DLGAP2: variants seen among roughly 807,000 people sequenced by gnomAD.
The protein encoded by DLGAP2 is disks large-associated protein 2.
In DLGAP2, 26 loss-of-function variants were observed where a neutral mutation model predicts 100.3. That is an observed-to-expected ratio of 0.26 (90% confidence interval 0.19 to 0.36). The LOEUF (loss-of-function observed/expected upper bound fraction) is 0.36, where lower values mean the gene tolerates loss of function less well. Ranked by LOEUF, DLGAP2 falls within the 10% of genes least tolerant of loss-of-function variation. The probability of loss-of-function intolerance (pLI) is 1.00; values close to 1 mark genes in which losing one functional copy is unlikely to be tolerated. For synonymous variants in DLGAP2, 886 were observed against 630.1 expected, an observed-to-expected ratio of 1.41 and a Z score of -6.08; for missense variants, 1,858 against 1,453.2, an observed-to-expected ratio of 1.28 and a Z score of -4.53.
chr8:1,568,863 CA>C, intron 6 of DLGAP2, among the ~76,000 whole-genome samples: 1 of 77,826 alleles, frequency 1.3e-5, no homozygotes, highest in Non-Finnish European at 2.9e-5. Context: ...TGCCACTGTC[CA>C]CTCAGCAGAC....
At chr8:1,169,313 C>T (rs1018225497) in intron 2 of DLGAP2, among the ~76,000 whole-genome samples, 116 of 152,208 alleles carry the variant, frequency 7.6e-4, no homozygotes, top group African/African-American at 9.4e-4. Flanking sequence ...AGTCAGGTAG[C>T]GTGATGCCTC....
chr8:1,462,975 G>A (rs1385183843), intron 3 of DLGAP2, among the ~76,000 whole-genome samples: 3 of 152,214 alleles, frequency 2.0e-5, no homozygotes, highest in African/African-American at 4.8e-5. Flanking sequence ...TGGGCCAGGC[G>A]TAGTGGCTCA....
At chr8:1,019,686 T>C (rs958553873) in intron 2 of DLGAP2, 25 of 152,236 alleles carry the variant, frequency 1.6e-4, no homozygotes, top group African/African-American at 6.0e-4. Context: ...TGATTATACA[T>C]ATAAAGATAT....
intron 2 of DLGAP2, among the ~76,000 whole-genome samples, chr8:1,069,543 T>C (rs1585031581): frequency 6.6e-6 from 1 of 152,296 alleles, no homozygotes; most frequent in East Asian, 1.9e-4. Context: ...CAGTGGGACC[T>C]GCACATCCGA....
At chr8:1,596,025 T>A (rs9644255) in intron 6 of DLGAP2, among the ~76,000 whole-genome samples, 1 of 133,712 alleles carries the variant, frequency 7.5e-6, no homozygotes. Flanking sequence ...CTCCCCTAGC[T>A]CCCCACCCCC....
chr8:908,517 G>A (rs532584956), intron 2 of DLGAP2, among the ~76,000 whole-genome samples: 2 of 152,226 alleles, frequency 1.3e-5, no homozygotes, highest in East Asian at 1.9e-4. Context: ...GTGTGTGGCT[G>A]GTGGTTGTGA....
At chr8:812,014 T>A (rs1585890155) in intron 1 of DLGAP2, among the ~76,000 whole-genome samples, 1 of 152,202 alleles carries the variant, frequency 6.6e-6, no homozygotes, top group East Asian at 1.9e-4. Context: ...TGGTGAGGCT[T>A]CCGGACTTCT....
Position 1,501,568 on chromosome 8 carries a change from A to C in DLGAP2, c.172+137A>C, listed in dbSNP as rs988980986. ...AAGGGAGCTAAGAAGAACTAAGTAC[A>C]ATGCGGCACTTTTTTCCAAAAATAA... On this transcript the variant is annotated intron_variant, in intron 4 of 14. Coordinates refer to ENST00000637795, the MANE Select transcript of DLGAP2 (RefSeq NM_001346810.2). The C allele has an allele frequency of 3.5e-6, 3 of 857,874 alleles. No homozygotes were observed. In the African/African-American group the frequency reaches 5.1e-5, roughly 15 times the overall value. The allele number at this position is 857,874 out of a possible 1,614,324, so 53.1% of individuals were successfully genotyped here.
At chr8:1,201,242 A>G (rs1050112762) in intron 2 of DLGAP2, among the ~76,000 whole-genome samples, 3 of 152,126 alleles carry the variant, frequency 2.0e-5, no homozygotes, top group African/African-American at 7.2e-5. Flanking sequence ...CACGCGTGTG[A>G]TTGTGGAGGC....
chr8:1,632,674 C>T (rs1223943064), intron 7 of DLGAP2, among the ~76,000 whole-genome samples, 153 bp from the exon 8 acceptor site: 1 of 152,214 alleles, frequency 6.6e-6, no homozygotes, highest in African/African-American at 2.4e-5. Context: ...ATTTCCCAAG[C>T]TCAGCCGATG....
intron 3 of DLGAP2, among the ~76,000 whole-genome samples, chr8:1,323,826 C>T (rs935862555): frequency 6.6e-6 from 1 of 152,214 alleles, no homozygotes; most frequent in Non-Finnish European, 1.5e-5. Flanking sequence ...TCCTAACCAC[C>T]TGTTCCTGGA....
chr8:1,279,183 T>G (rs1395485486), intron 3 of DLGAP2, among the ~76,000 whole-genome samples: 1 of 152,214 alleles, frequency 6.6e-6, no homozygotes, highest in Non-Finnish European at 1.5e-5. Context: ...AATTTTAAGT[T>G]AGGAAGTTCT....
intron 2 of DLGAP2, among the ~76,000 whole-genome samples, chr8:1,012,782 C>T (rs1801334487): frequency 6.7e-6 from 1 of 150,208 alleles, no homozygotes; most frequent in Non-Finnish European, 1.5e-5. Flanking sequence ...CCCCCCACTT[C>T]AGCGGCAGTG....
chr8:1,105,708 G>T (rs530708806), intron 2 of DLGAP2, among the ~76,000 whole-genome samples: 1 of 133,062 alleles, frequency 7.5e-6, no homozygotes, highest in Non-Finnish European at 1.6e-5. Context: ...GAAGGGGGCC[G>T]TTCTAAGAGG....
At chr8:1,432,373 A>G (rs548104303) in intron 3 of DLGAP2, among the ~76,000 whole-genome samples, 1 of 152,224 alleles carries the variant, frequency 6.6e-6, no homozygotes, top group Non-Finnish European at 1.5e-5. Flanking sequence ...GAGGGGATGA[A>G]ACATCCACTT....
At chr8:1,189,151 A>T (rs143504481) in intron 2 of DLGAP2, among the ~76,000 whole-genome samples, 1 of 125,298 alleles carries the variant, frequency 8.0e-6, no homozygotes, top group African/African-American at 3.8e-5. Context: ...GGGGTTGAGC[A>T]TACACAGGGT....
In DLGAP2 at chr8:1,626,725, TC is replaced by T. The variant is rs1563265519; in HGVS notation, c.1443-14del. 3.1e-6 allele frequency: 5 copies of T among 1,587,814 alleles called. No homozygotes were observed. The highest frequency in any genetic ancestry group is 4.6e-5 in the East Asian group (2 of 43,406). On this transcript the variant is annotated splice_polypyrimidine_tract_variant and intron_variant, in intron 6 of 14. Transcript: ENST00000637795. ...TGCTCACAGAATGCCTTTTCTCCTT[TC>T]TTCTTTCCTGTAGCCAGACCTACCT...
chr8:985,872 G>C, intron 2 of DLGAP2, among the ~76,000 whole-genome samples: 1 of 152,130 alleles, frequency 6.6e-6, no homozygotes, highest in East Asian at 1.9e-4. Flanking sequence ...TCGATCACCT[G>C]ACAAACCCCC....
rs188416883 is a variant in DLGAP2 at position 840,662 on chromosome 8, C to T, written c.19-67250C>T. Among the ~76,000 whole-genome samples, 32 of 128,606 alleles carry T rather than the reference C, an allele frequency of 2.5e-4. 1 individual carries two copies. Among genetic ancestry groups the T allele is most frequent in the African/African-American group, 7.1e-4 (25 of 35,020 alleles). The allele number at this position is 128,606 out of a possible 152,430, so 84.4% of individuals were successfully genotyped here. On this transcript the variant is annotated intron_variant, in intron 1 of 14. Transcript: ENST00000637795. ...ATGTCTCCCTACACTCTGGATTCTG[C>T]GAGCGCGTCCACACGGTGCACACCT...
Sources: allele counts gnomAD v4.1 joint callset (sites outside exome capture counted in the v4.1 genomes callset), GRCh38; gene constraint gnomAD v4.1.1; transcripts MANE v1.5; gene names NCBI Gene and HGNC (gene_info 2026-07-23, HGNC 2026-07-21).